Variants in GRM7 observed in about 807,000 individuals in gnomAD.
GRM7 encodes metabotropic glutamate receptor 7.
GRM7 carries 35 observed loss-of-function variants against 84.5 expected under a neutral mutation model. That is an observed-to-expected ratio of 0.41 (90% CI 0.32 to 0.55). GRM7 has a LOEUF of 0.55. GRM7 is among the 20% of genes least tolerant of loss of function. The probability of loss-of-function intolerance (pLI) is 0.19; values close to 1 mark genes in which losing one functional copy is unlikely to be tolerated. For synonymous variants in GRM7, 487 were observed against 455.1 expected (o/e 1.07, Z -0.89); for missense variants, 1,003 against 1,194.6 (o/e 0.84, Z 2.36).
Position 6,920,571 on chromosome 3 carries a change from T to A in GRM7, c.519+58664T>A, listed in dbSNP as rs545918621. Among the ~76,000 whole-genome samples the A allele has an allele frequency of 2.4e-3, 345 of 144,584 alleles. 3 individuals are homozygous for A. Among genetic ancestry groups the A allele is most frequent in the African/African-American group, 8.3e-3 (323 of 39,058 alleles). 94.9% of individuals were successfully genotyped at this position (144,584 alleles called of 152,430 possible). On this transcript the variant is annotated intron_variant, in intron 1 of 9. Coordinates refer to ENST00000357716, the MANE Select transcript of GRM7 (RefSeq NM_000844.4). Reference sequence around the variant, plus strand: ...ACTCCATGTCAAAAAAAAAAAAAAATGATGATTGATGACTTTTCCCACAAA... The same window carrying A: ...ACTCCATGTCAAAAAAAAAAAAAAAAGATGATTGATGACTTTTCCCACAAA...
intron 1 of GRM7, among the ~76,000 whole-genome samples, chr3:7,142,648 G>T (rs1403596790): frequency 6.6e-6 from 1 of 152,042 alleles, no homozygotes; most frequent in Non-Finnish European, 1.5e-5. Context: ...GGGATACAAA[G>T]CCTAACCATA....
intron 2 of GRM7, among the ~76,000 whole-genome samples, chr3:7,284,352 ACAAT>A (rs1476484518): frequency 2.6e-5 from 4 of 151,900 alleles, no homozygotes; most frequent in Non-Finnish European, 4.4e-5. Flanking sequence ...ACTAGTACAG[ACAAT>A]CAATACTAAC....
At chr3:7,029,965 T>C (rs1335576414) in intron 1 of GRM7, among the ~76,000 whole-genome samples, 1 of 152,168 alleles carries the variant, frequency 6.6e-6, no homozygotes, top group African/African-American at 2.4e-5. Flanking sequence ...AAAGAAAGTA[T>C]ACATCTAAAC....
intron 1 of GRM7, among the ~76,000 whole-genome samples, chr3:6,985,304 T>TA (rs1694367468): frequency 6.6e-6 from 1 of 152,142 alleles, no homozygotes; most frequent in Admixed American, 6.6e-5. Context: ...TAGTAGGTCT[T>TA]ATTCATTCTT....
intron 1 of GRM7, among the ~76,000 whole-genome samples, chr3:6,915,862 A>T (rs1471327575): frequency 1.3e-5 from 2 of 152,164 alleles, no homozygotes; most frequent in Non-Finnish European, 2.9e-5. Flanking sequence ...TTCCAAGAAG[A>T]AATATTATGC....
intron 4 of GRM7, among the ~76,000 whole-genome samples, chr3:7,313,400 T>TTATC (rs1282500743): frequency 3.9e-5 from 6 of 152,238 alleles, no homozygotes; most frequent in African/African-American, 4.8e-5. Flanking sequence ...AGTCCTGGAA[T>TTATC]TATCTACATT....
chr3:7,029,558 A>G (rs1446922842), intron 1 of GRM7, among the ~76,000 whole-genome samples: 2 of 152,184 alleles, frequency 1.3e-5, no homozygotes, highest in African/African-American at 4.8e-5. Flanking sequence ...ATGCTACAAC[A>G]CAAATGAACC....
chr3:7,223,581 T>A (rs570210232), intron 2 of GRM7, among the ~76,000 whole-genome samples: 2 of 152,180 alleles, frequency 1.3e-5, no homozygotes, highest in African/African-American at 4.8e-5. Context: ...TCCTTTTTTA[T>A]AGAAATGTTT....
intron 7 of GRM7, among the ~76,000 whole-genome samples, chr3:7,546,125 G>A (rs1693133962): frequency 6.6e-6 from 1 of 152,072 alleles, no homozygotes; most frequent in Non-Finnish European, 1.5e-5. Context: ...TCATATGCAA[G>A]GAGTCTAAAT....
At chr3:6,870,345 G>A (rs1332568320) in intron 1 of GRM7, among the ~76,000 whole-genome samples, 1 of 152,148 alleles carries the variant, frequency 6.6e-6, no homozygotes, top group Non-Finnish European at 1.5e-5. Context: ...CACTCCCTGG[G>A]AGTAGGAATG....
intron 2 of GRM7, among the ~76,000 whole-genome samples, chr3:7,194,647 T>A (rs1338964404): frequency 1.3e-5 from 2 of 152,162 alleles, no homozygotes; most frequent in Non-Finnish European, 2.9e-5. Context: ...ACAGTGCAGT[T>A]AGGATGCCTT....
At chr3:7,091,230 AAG>A (rs1400251306) in intron 1 of GRM7, among the ~76,000 whole-genome samples, 10 of 152,004 alleles carry the variant, frequency 6.6e-5, no homozygotes, top group African/African-American at 2.4e-4. Flanking sequence ...AAAAAGAAAA[AAG>A]AAAAATTATA....
At position 7,414,886 on chromosome 3, in the gene GRM7, A is replaced by ATT. The variant is rs555467153; in HGVS notation, c.1034-125_1034-124dup. On this transcript the variant is annotated intron_variant, in intron 4 of 9. Coordinates refer to ENST00000357716, the MANE Select transcript of GRM7 (RefSeq NM_000844.4). ...TAGAATATTTTTCCTCCTTCTGTTA[A>ATT]TTTTTTTTTTTTTCGGTCGACACAC... The ATT allele has an allele frequency of 5.8e-3, 2,611 of 453,046 alleles. 11 individuals are homozygous for ATT. Among genetic ancestry groups the ATT allele is most frequent in the East Asian group, 0.034 (853 of 24,894 alleles). 28.1% of individuals were successfully genotyped at this position (453,046 alleles called of 1,614,324 possible).
intron 1 of GRM7, among the ~76,000 whole-genome samples, chr3:7,138,709 ATTAAT>A (rs1231600310): frequency 6.6e-6 from 1 of 151,780 alleles, no homozygotes; most frequent in African/African-American, 2.4e-5. Context: ...CAAAAGGAAA[ATTAAT>A]TTAGATATAC....
At chr3:6,882,397 T>G (rs2124965285) in intron 1 of GRM7, among the ~76,000 whole-genome samples, 1 of 152,230 alleles carries the variant, frequency 6.6e-6, no homozygotes, top group Middle Eastern at 3.4e-3. Flanking sequence ...AGAAAAAGTA[T>G]AAGCCAGGCA....
chr3:6,970,541 G>A (rs1003417861), intron 1 of GRM7, among the ~76,000 whole-genome samples: 1 of 152,190 alleles, frequency 6.6e-6, no homozygotes, highest in African/African-American at 2.4e-5. Context: ...CTATGGTAAG[G>A]ACTTGGGTTT....
chr3:7,070,398 TTGAA>T (rs1220339511), intron 1 of GRM7, among the ~76,000 whole-genome samples: 6 of 152,140 alleles, frequency 3.9e-5, no homozygotes, highest in Admixed American at 3.3e-4. Flanking sequence ...TTTCTTCTGA[TTGAA>T]TGATTTGCAT....
At chr3:7,120,611 T>C (rs942275140) in intron 1 of GRM7, among the ~76,000 whole-genome samples, 7 of 152,152 alleles carry the variant, frequency 4.6e-5, no homozygotes, top group African/African-American at 4.8e-5. Context: ...GTTATATATA[T>C]TGCCAAAAAT....
chr3:6,918,040 C>G (rs1027875324), intron 1 of GRM7, among the ~76,000 whole-genome samples: 1 of 152,252 alleles, frequency 6.6e-6, no homozygotes, highest in Middle Eastern at 3.4e-3. Flanking sequence ...AGTCATATAA[C>G]AACGACATTT....
Sources: gnomAD v4.1 joint callset for allele counts (sites outside exome capture counted in the v4.1 genomes callset) on GRCh38, gnomAD v4.1.1 for gene constraint, MANE v1.5 for transcripts, NCBI Gene and HGNC (gene_info 2026-07-23, HGNC 2026-07-21) for gene names.